The following CCSER1 variants were observed in gnomAD, a reference collection of about 807,000 sequenced individuals.
The protein encoded by CCSER1 is coiled-coil serine rich protein 1.
Under a neutral mutation model 82.0 loss-of-function variants are expected in CCSER1, and 41 were observed. That is an observed-to-expected ratio of 0.50 (90% CI 0.39 to 0.65). The LOEUF is 0.65. CCSER1 is among the 30% of genes least tolerant of loss of function. The pLI, the probability that CCSER1 is intolerant of heterozygous loss-of-function variation, is 0.00. For missense variants in CCSER1, 1,119 were observed against 1,064.2 expected, an observed-to-expected ratio of 1.05 and a Z score of -0.72; for synonymous variants, 414 against 383.9, an observed-to-expected ratio of 1.08 and a Z score of -0.92.
At chr4:90,816,870 T>G (rs1580620775) in intron 8 of CCSER1, among the ~76,000 whole-genome samples, 2 of 152,234 alleles carry the variant, frequency 1.3e-5, no homozygotes, top group South Asian at 4.1e-4. Flanking sequence ...TTATAGACTC[T>G]TCACAACTGA....
At chr4:91,111,628 G>T (rs1314763551) in intron 10 of CCSER1, among the ~76,000 whole-genome samples, 1 of 151,782 alleles carries the variant, frequency 6.6e-6, no homozygotes, top group Non-Finnish European at 1.5e-5. Context: ...ATATATTTTA[G>T]GAGGTCATAA....
At chr4:90,459,716 A>T (rs1762638005) in intron 4 of CCSER1, among the ~76,000 whole-genome samples, 1 of 152,096 alleles carries the variant, frequency 6.6e-6, no homozygotes, top group South Asian at 2.1e-4. Flanking sequence ...CAATATTTTA[A>T]CTTAATTTTC....
At chr4:90,951,005 A>T (rs1025508714) in intron 9 of CCSER1, 1 of 152,132 alleles carries the variant, frequency 6.6e-6, no homozygotes, top group African/African-American at 2.4e-5. Context: ...CACTTTTATA[A>T]GCAAAGTTAA....
intron 10 of CCSER1, among the ~76,000 whole-genome samples, chr4:91,230,552 A>T (rs2149114575): frequency 6.6e-6 from 1 of 152,182 alleles, no homozygotes; most frequent in African/African-American, 2.4e-5. Flanking sequence ...GAGATTTTTA[A>T]AATTACTTTT....
intron 5 of CCSER1, among the ~76,000 whole-genome samples, chr4:90,483,658 C>T (rs2153599727): frequency 6.6e-6 from 1 of 152,288 alleles, no homozygotes; most frequent in Non-Finnish European, 1.5e-5. Flanking sequence ...ATATGAAATT[C>T]TGAGTTGAAA....
chr4:90,642,213 G>C (rs570655868), intron 6 of CCSER1: 77 of 155,628 alleles, frequency 4.9e-4, no homozygotes, highest in Non-Finnish European at 8.2e-4. Context: ...ATTATGTTTT[G>C]TTTTTGTTTG....
intron 5 of CCSER1, among the ~76,000 whole-genome samples, chr4:90,492,888 T>TC (rs1295969315): frequency 3.3e-5 from 5 of 152,252 alleles, no homozygotes; most frequent in Admixed American, 3.3e-4. Flanking sequence ...GAGAGATAGT[T>TC]TGTTAAAGCT....
intron 10 of CCSER1, among the ~76,000 whole-genome samples, chr4:91,382,879 A>G (rs1283657358): frequency 6.6e-6 from 1 of 152,146 alleles, no homozygotes; most frequent in East Asian, 1.9e-4. Flanking sequence ...AGAATGGCCC[A>G]CAGCCACCCA....
intron 3 of CCSER1, among the ~76,000 whole-genome samples, chr4:90,374,780 C>A (rs1409580562): frequency 6.6e-6 from 1 of 152,110 alleles, no homozygotes; most frequent in Admixed American, 6.6e-5. Flanking sequence ...TTGGCCATAC[C>A]TTTATGGACC....
At chr4:90,739,716 A>C (rs2149437826) in intron 7 of CCSER1, among the ~76,000 whole-genome samples, 1 of 152,294 alleles carries the variant, frequency 6.6e-6, no homozygotes, top group Non-Finnish European at 1.5e-5. Flanking sequence ...CTCTGCCCTG[A>C]GTCACTTTCC....
At chr4:91,066,794 T>G (rs1720862050) in intron 9 of CCSER1, among the ~76,000 whole-genome samples, 1 of 152,168 alleles carries the variant, frequency 6.6e-6, no homozygotes, top group African/African-American at 2.4e-5. Context: ...TGTCTTTATA[T>G]AAAAGGATCT....
chr4:90,401,293 A>G (rs1367145929), intron 4 of CCSER1, among the ~76,000 whole-genome samples: 1 of 152,200 alleles, frequency 6.6e-6, no homozygotes, highest in African/African-American at 2.4e-5. Context: ...GGTTTTTACA[A>G]CTTAGATCCA....
chr4:91,515,798 A>C (rs1373785477), intron 10 of CCSER1, among the ~76,000 whole-genome samples: 2 of 151,336 alleles, frequency 1.3e-5, no homozygotes, highest in Non-Finnish European at 2.9e-5. Flanking sequence ...ATGCTGGTTG[A>C]ACTAATTTAC....
chr4:90,885,389 A>G (rs2150089876), intron 8 of CCSER1, among the ~76,000 whole-genome samples: 1 of 152,342 alleles, frequency 6.6e-6, no homozygotes, highest in East Asian at 1.9e-4. Flanking sequence ...TGAAATGTAC[A>G]AGATGGCAAT....
intron 1 of CCSER1, among the ~76,000 whole-genome samples, chr4:90,305,937 T>C (rs999581537): frequency 6.6e-6 from 1 of 152,196 alleles, no homozygotes; most frequent in African/African-American, 2.4e-5. Context: ...TAAGTGTACA[T>C]CTGTGGATGA....
intron 10 of CCSER1, among the ~76,000 whole-genome samples, chr4:91,151,198 G>A (rs1400480879): frequency 1.3e-5 from 2 of 152,104 alleles, no homozygotes; most frequent in African/African-American, 4.8e-5. Flanking sequence ...TTAGTCTTGG[G>A]AGGGTGCATT....
chr4:91,156,457 C>T (rs1012621241), intron 10 of CCSER1, among the ~76,000 whole-genome samples: 3 of 151,320 alleles, frequency 2.0e-5, no homozygotes, highest in African/African-American at 7.3e-5. Context: ...TGTTGTCTCC[C>T]CAGAATTTCT....
chr4:91,354,272 C>G (rs1748672978), intron 10 of CCSER1, among the ~76,000 whole-genome samples: 1 of 152,204 alleles, frequency 6.6e-6, no homozygotes, highest in Non-Finnish European at 1.5e-5. Flanking sequence ...CAATCACTTA[C>G]AGCTATGCTT....
chr4:91,126,392 T>C (rs534930917), intron 10 of CCSER1, among the ~76,000 whole-genome samples: 130 of 152,052 alleles, frequency 8.5e-4, no homozygotes, highest in African/African-American at 3.0e-3. Context: ...CATTTGTCTA[T>C]GTATGTGTGT....
Sources: allele counts gnomAD v4.1 joint callset (sites outside exome capture counted in the v4.1 genomes callset), GRCh38; gene constraint gnomAD v4.1.1; transcripts MANE v1.5; gene names NCBI Gene and HGNC (gene_info 2026-07-23, HGNC 2026-07-21).